UCHL5: variants seen among roughly 807,000 people sequenced by gnomAD.
UCHL5 encodes ubiquitin carboxyl-terminal hydrolase isozyme L5.
A neutral mutation model predicts 53.8 loss-of-function variants in UCHL5; 34 were observed. The ratio of observed to expected loss-of-function variants is 0.63; its 90% CI spans 0.48 to 0.84. The LOEUF (loss-of-function observed/expected upper bound fraction) is 0.84, where lower values mean the gene tolerates loss of function less well. Among genes scored for constraint, UCHL5 ranks in the 40% least tolerant of loss-of-function variants. The pLI, the probability that UCHL5 is intolerant of heterozygous loss-of-function variation, is 0.00. For synonymous variants in UCHL5, 111 were observed against 126.3 expected (o/e 0.88, Z 0.81); for missense variants, 290 against 385.6 (o/e 0.75, Z 2.08).
intron 1 of UCHL5, among the ~76,000 whole-genome samples, chr1:193,058,815 C>A (rs1410465766): frequency 1.3e-5 from 2 of 152,222 alleles, no homozygotes; most frequent in Non-Finnish European, 2.9e-5. Flanking sequence ...ATGCACTTGA[C>A]CTCACCAGCC....
chr1:193,019,621 A>G (rs1656163723), intron 10 of UCHL5, among the ~76,000 whole-genome samples: 1 of 151,714 alleles, frequency 6.6e-6, no homozygotes, highest in Non-Finnish European at 1.5e-5. Context: ...CACTAACATC[A>G]GGTATTTATA....
chr1:193,035,249 TA>T (rs1662939171), intron 3 of UCHL5, among the ~76,000 whole-genome samples: 1 of 151,796 alleles, frequency 6.6e-6, no homozygotes, highest in Non-Finnish European at 1.5e-5. Flanking sequence ...GGCAACAACC[TA>T]AAAAATAAAA....
chr1:193,024,079 T>C lies in UCHL5; in HGVS notation c.630-133A>G, dbSNP rs1216556894. The stretch of plus-strand genomic sequence containing the variant: ...TCTATCAATTGGCTAGCAATAAAAA[T>C]GGACACTTTTAAAAAGCTTTCAGGT... On this transcript the variant is annotated intron_variant, in intron 7 of 10. Transcript: ENST00000367454. 11 of 695,610 alleles carry C rather than the reference T, an allele frequency of 1.6e-5. No individual in the cohort carries two copies. In the East Asian group the frequency reaches 1.7e-4, roughly 11 times the overall value. The allele number at this position is 695,610 out of a possible 1,614,324, so 43.1% of individuals were successfully genotyped here.
chr1:193,023,736 C>A, intron 8 of UCHL5, 108 bp downstream of exon 8: 1 of 825,620 alleles, frequency 1.2e-6, no homozygotes, highest in South Asian at 1.7e-5. Context: ...AGTGTGTATT[C>A]GCTTAGCCAC....
chr1:193,041,745 T>C (rs1665642720), intron 3 of UCHL5, among the ~76,000 whole-genome samples: 1 of 152,208 alleles, frequency 6.6e-6, no homozygotes, highest in African/African-American at 2.4e-5. Flanking sequence ...TGTAGCATGT[T>C]AGTGCAGCTG....
chr1:193,050,335 A>T (rs1042656338), intron 2 of UCHL5, among the ~76,000 whole-genome samples: 1 of 152,192 alleles, frequency 6.6e-6, no homozygotes. Flanking sequence ...GAAATCATCC[A>T]CTTTCCTAAA....
Position 193,029,465 on chromosome 1 carries a change from A to C in UCHL5, c.373-16T>G, listed in dbSNP as rs557887787. On this transcript the variant is annotated splice_polypyrimidine_tract_variant and intron_variant, in intron 4 of 10. Coordinates refer to ENST00000367454, the MANE Select transcript of UCHL5 (RefSeq NM_001199261.3). ...AGCCTTTCATCTAAAATAATTTTTT[A>C]AAGTAGCCTATTAATATACAAACTT... 1.9e-5 allele frequency: 30 copies of C among 1,613,396 alleles called. No individual in the cohort carries two copies. In the South Asian group the frequency reaches 3.1e-4, roughly 17 times the overall value.
chr1:193,043,151 T>TAAAAAAAAAAAAAAAAAA (rs200951342), intron 3 of UCHL5, among the ~76,000 whole-genome samples: 34 of 36,364 alleles, frequency 9.3e-4, no homozygotes, highest in African/African-American at 2.5e-3. Flanking sequence ...TCTTGAATAT[T>TAAAAAAAAAAAAAAAAAA]AAAAAAAAAA....
At position 193,013,944 on chromosome 1, in the gene UCHL5, T is replaced by G. The variant is rs915036479; in HGVS notation, c.*2407A>C. On this transcript the variant is annotated 3_prime_UTR_variant, in exon 11 of 11. Transcript: ENST00000367454. ...AGGTGAGAGTAGCCAGTGCCGCAGC[T>G]GTTGGCAAGGTTTTTGTTGATAATA... The G allele has an allele frequency of 6.6e-6, 1 of 152,300 alleles. No individual in the cohort carries two copies. Among genetic ancestry groups the G allele is most frequent in the East Asian group, 1.9e-4 (1 of 5,184 alleles). The allele number at this position is 152,300 out of a possible 1,614,324, so 9.4% of individuals were successfully genotyped here.
At chr1:193,016,870 T>C (rs1655056766) in intron 10 of UCHL5, among the ~76,000 whole-genome samples, 1 of 151,798 alleles carries the variant, frequency 6.6e-6, no homozygotes, top group East Asian at 1.9e-4. Context: ...TCAACAAACT[T>C]TATTTATATG....
intron 7 of UCHL5, among the ~76,000 whole-genome samples, chr1:193,024,177 A>C (rs1455821583): frequency 6.6e-6 from 1 of 151,944 alleles, no homozygotes; most frequent in Non-Finnish European, 1.5e-5. Context: ...TAGAAGCTGG[A>C]GGCTGCAGTG....
At chr1:193,054,872 G>C in intron 1 of UCHL5, among the ~76,000 whole-genome samples, 1 of 152,160 alleles carries the variant, frequency 6.6e-6, no homozygotes, top group East Asian at 1.9e-4. Context: ...CTTCCTCCTT[G>C]CATGACAAGG....
rs1280098617 is a variant in UCHL5 at position 193,016,252 on chromosome 1, C to T, written c.*99G>A. On this transcript the variant is annotated 3_prime_UTR_variant, in exon 11 of 11. Transcript: ENST00000367454. ...CAGGCTGGCACTATTGCCAAACGTG[C>T]ACTGAGCCAATTAGGATGTTGCTCT... is the stretch of plus-strand genomic sequence containing the variant. The T allele has an allele frequency of 3.6e-6, 5 of 1,395,438 alleles. No homozygotes were observed. In the African/African-American group the frequency reaches 5.9e-5, roughly 16 times the overall value. The allele number at this position is 1,395,438 out of a possible 1,614,324, so 86.4% of individuals were successfully genotyped here.
chr1:193,046,507 G>A (rs1049426070), intron 3 of UCHL5, among the ~76,000 whole-genome samples: 1 of 151,890 alleles, frequency 6.6e-6, no homozygotes, highest in African/African-American at 2.4e-5. Context: ...CTCTGCCACT[G>A]ACTAGCTACA....
intron 10 of UCHL5, chr1:193,018,960 T>A: frequency 1.7e-6 from 1 of 588,406 alleles, no homozygotes; most frequent in East Asian, 3.4e-5. Flanking sequence ...ATCTAATCTT[T>A]ATTCTAACAG....
In UCHL5 at chr1:193,014,796, C is replaced by T. The variant is rs150336022; in HGVS notation, c.*1555G>A. 5 of 152,192 alleles carry T rather than the reference C, an allele frequency of 3.3e-5. No homozygotes were observed. Among genetic ancestry groups the T allele is most frequent in the South Asian group, 2.1e-4 (1 of 4,828 alleles). 9.4% of individuals were successfully genotyped at this position (152,192 alleles called of 1,614,324 possible). Reference sequence around the variant, plus strand: ...TCAGGCTCTCTCTTCTGTTCCATTGCTTTATTTGTCAATCCTAGTGCCAGT... The same window carrying T: ...TCAGGCTCTCTCTTCTGTTCCATTGTTTTATTTGTCAATCCTAGTGCCAGT... On this transcript the variant is annotated 3_prime_UTR_variant, in exon 11 of 11. Transcript: ENST00000367454.
upstream of UCHL5, chr1:193,059,721 G>C (rs1553267003): frequency 7.4e-7 from 1 of 1,353,402 alleles, no homozygotes; most frequent in East Asian, 4.7e-5. The surrounding 1 kb of genome is among the most constrained non-coding windows in gnomAD (Gnocchi z 4.9). Flanking sequence ...TCCCAGCGCT[G>C]CGCAGGACTT....
intron 7 of UCHL5, among the ~76,000 whole-genome samples, chr1:193,024,493 G>A (rs893480712): frequency 1.3e-5 from 2 of 150,664 alleles, no homozygotes; most frequent in African/African-American, 2.4e-5. Flanking sequence ...GCATCTTGAT[G>A]GGTATTAACT....
At chr1:193,058,068 A>G (rs2102956003) in intron 1 of UCHL5, among the ~76,000 whole-genome samples, 1 of 152,186 alleles carries the variant, frequency 6.6e-6, no homozygotes, top group African/African-American at 2.4e-5. Context: ...CTCTACTAAA[A>G]AAAAAAAAAT....
Sources: allele counts gnomAD v4.1 joint callset (sites outside exome capture counted in the v4.1 genomes callset), GRCh38; gene constraint gnomAD v4.1.1; non-coding constraint Gnocchi (gnomAD v3.1); transcripts MANE v1.5; gene names NCBI Gene and HGNC (gene_info 2026-07-23, HGNC 2026-07-21).